Variants in HS6ST3 observed in about 807,000 individuals in gnomAD.
HS6ST3 encodes the protein heparan-sulfate 6-O-sulfotransferase 3.
HS6ST3 carries 12 observed loss-of-function variants against 36.7 expected under a neutral mutation model. The observed-to-expected ratio is 0.33, with a 90% CI of 0.21 to 0.53. The LOEUF (loss-of-function observed/expected upper bound fraction) is 0.53, where lower values mean the gene tolerates loss of function less well. Ranked by LOEUF, HS6ST3 falls within the 20% of genes least tolerant of loss-of-function variation. HS6ST3 has a pLI of 0.95. For synonymous variants in HS6ST3, 240 were observed against 257.5 expected (o/e 0.93, Z 0.65); for missense variants, 584 against 640.9 (o/e 0.91, Z 0.96).
At chr13:96,162,910 G>T (rs546495476) in intron 1 of HS6ST3, among the ~76,000 whole-genome samples, 16 of 150,796 alleles carry the variant, frequency 1.1e-4, no homozygotes, top group African/African-American at 3.4e-4. Context: ...GTTTTTTTTT[G>T]TTGTTGTTCT....
At chr13:96,405,019 A>T (rs1323048295) in intron 1 of HS6ST3, among the ~76,000 whole-genome samples, 1 of 152,144 alleles carries the variant, frequency 6.6e-6, no homozygotes, top group Non-Finnish European at 1.5e-5. Context: ...ATCCGCATTA[A>T]GATGTGACTT....
At chr13:96,718,919 TAG>T (rs1875773788) in intron 1 of HS6ST3, among the ~76,000 whole-genome samples, 1 of 152,186 alleles carries the variant, frequency 6.6e-6, no homozygotes, top group South Asian at 2.1e-4. Context: ...CTTGTTCCTT[TAG>T]AGAGTCTAGG....
chr13:96,115,475 A>G (rs977139530), intron 1 of HS6ST3, among the ~76,000 whole-genome samples: 1 of 151,854 alleles, frequency 6.6e-6, no homozygotes, highest in African/African-American at 2.4e-5. Flanking sequence ...TTCAACTCCC[A>G]CTTATGAGTG....
intron 1 of HS6ST3, among the ~76,000 whole-genome samples, chr13:96,096,215 A>G (rs2053790189): frequency 6.6e-6 from 1 of 152,182 alleles, no homozygotes; most frequent in Admixed American, 6.5e-5. Context: ...GAGATATGGA[A>G]GGTGAGGGAG....
In HS6ST3 at chr13:96,835,904, C is replaced by A. The variant is rs962812400; in HGVS notation, c.*2706C>A. 6.6e-6 allele frequency: 1 copy of A among 152,130 alleles called. No homozygotes were observed. The highest frequency in any genetic ancestry group is 2.4e-5 in the African/African-American group (1 of 41,410). The allele number at this position is 152,130 out of a possible 1,614,324, so 9.4% of individuals were successfully genotyped here. ...AGGGAGCCAGCTCTTTATGTTGGCCCCAGGCCAGTACTAAGCAAATTAAAA... is the reference window on the plus strand; with the variant it reads ...AGGGAGCCAGCTCTTTATGTTGGCCACAGGCCAGTACTAAGCAAATTAAAA... On this transcript the variant is annotated 3_prime_UTR_variant, in exon 2 of 2. Transcript: ENST00000376705.
intron 1 of HS6ST3, among the ~76,000 whole-genome samples, chr13:96,660,654 T>C (rs2139018965): frequency 6.6e-6 from 1 of 152,292 alleles, no homozygotes; most frequent in Non-Finnish European, 1.5e-5. Flanking sequence ...ACTATAATGT[T>C]AATAGAACTC....
At chr13:96,500,459 C>T (rs1775239007) in intron 1 of HS6ST3, among the ~76,000 whole-genome samples, 1 of 152,100 alleles carries the variant, frequency 6.6e-6, no homozygotes, top group African/African-American at 2.4e-5. Flanking sequence ...AGCAGAATGA[C>T]CTCTGTTACC....
chr13:96,288,040 A>T (rs574452807), intron 1 of HS6ST3, among the ~76,000 whole-genome samples: 1 of 152,290 alleles, frequency 6.6e-6, no homozygotes, highest in Admixed American at 6.5e-5. Flanking sequence ...TCTCAACTTC[A>T]TTTGGGAACT....
intron 1 of HS6ST3, among the ~76,000 whole-genome samples, chr13:96,596,930 A>G (rs2056403830): frequency 6.6e-6 from 1 of 152,154 alleles, no homozygotes. Context: ...ATAGATTCAA[A>G]CTAAATGCCC....
chr13:96,738,667 A>T (rs1436948477), intron 1 of HS6ST3, among the ~76,000 whole-genome samples: 1 of 152,214 alleles, frequency 6.6e-6, no homozygotes, highest in Non-Finnish European at 1.5e-5. Context: ...AAATACTGAA[A>T]TTAAGTGAAA....
At chr13:96,265,731 G>GT (rs1203548720) in intron 1 of HS6ST3, among the ~76,000 whole-genome samples, 1 of 152,154 alleles carries the variant, frequency 6.6e-6, no homozygotes, top group Non-Finnish European at 1.5e-5. Flanking sequence ...AATAGAGCCA[G>GT]TTTATACTTG....
chr13:96,207,120 A>G (rs2054374382), intron 1 of HS6ST3, among the ~76,000 whole-genome samples: 1 of 152,134 alleles, frequency 6.6e-6, no homozygotes, highest in African/African-American at 2.4e-5. Context: ...AAAAACCTAA[A>G]CAACCCTGTT....
chr13:96,169,367 T>C (rs766307836), intron 1 of HS6ST3, among the ~76,000 whole-genome samples: 3 of 151,990 alleles, frequency 2.0e-5, no homozygotes, highest in Non-Finnish European at 4.4e-5. Context: ...TTTGGTAGCA[T>C]TGGAATGTTA....
chr13:96,480,069 A>G (rs1170496859), intron 1 of HS6ST3, among the ~76,000 whole-genome samples: 1 of 152,146 alleles, frequency 6.6e-6, no homozygotes, highest in Non-Finnish European at 1.5e-5. Context: ...GGAAAACACT[A>G]ATATTGTCTA....
chr13:96,297,215 TAA>T (rs1431083232), intron 1 of HS6ST3, among the ~76,000 whole-genome samples: 3 of 152,146 alleles, frequency 2.0e-5, no homozygotes, highest in Non-Finnish European at 4.4e-5. Context: ...AATAAATACA[TAA>T]GTCTTTATAA....
intron 1 of HS6ST3, among the ~76,000 whole-genome samples, chr13:96,167,039 G>A (rs780329005): frequency 3.3e-5 from 5 of 152,024 alleles, no homozygotes; most frequent in African/African-American, 4.8e-5. Context: ...TGCTGAACTG[G>A]GAGTCAATTA....
At chr13:96,125,564 A>G (rs1022889103) in intron 1 of HS6ST3, among the ~76,000 whole-genome samples, 1 of 152,120 alleles carries the variant, frequency 6.6e-6, no homozygotes, top group African/African-American at 2.4e-5. Context: ...TAAGCCACCA[A>G]AATCCTACAT....
At chr13:96,566,814 GC>G (rs2138959258) in intron 1 of HS6ST3, among the ~76,000 whole-genome samples, 1 of 152,248 alleles carries the variant, frequency 6.6e-6, no homozygotes, top group African/African-American at 2.4e-5. Flanking sequence ...TCAACCACAA[GC>G]ATGTCAAAAG....
chr13:96,498,047 GGA>G (rs1317196746), intron 1 of HS6ST3, among the ~76,000 whole-genome samples: 1 of 152,174 alleles, frequency 6.6e-6, no homozygotes, highest in Non-Finnish European at 1.5e-5. Context: ...AGGGAAGTCT[GGA>G]TGCTTTTACA....
Sources: gnomAD v4.1 joint callset for allele counts (sites outside exome capture counted in the v4.1 genomes callset) on GRCh38, gnomAD v4.1.1 for gene constraint, MANE v1.5 for transcripts, NCBI Gene and HGNC (gene_info 2026-07-23, HGNC 2026-07-21) for gene names.